The following RRBP1 variants were observed in gnomAD, a reference collection of about 807,000 sequenced individuals.
RRBP1 encodes ribosome binding protein 1.
Under a neutral mutation model 165.2 loss-of-function variants are expected in RRBP1, and 94 were observed. The ratio of observed to expected loss-of-function variants is 0.57; its 90% CI spans 0.48 to 0.68. The LOEUF is 0.68. Ranked by LOEUF, RRBP1 falls within the 30% of genes least tolerant of loss-of-function variation. RRBP1 has a pLI of 0.00. For missense variants in RRBP1, 1,676 were observed against 1,763.0 expected (o/e 0.95, Z 0.88); for synonymous variants, 680 against 714.5 (o/e 0.95, Z 0.77).
At chr20:17,654,272 G>A (rs976170661) in intron 3 of RRBP1, among the ~76,000 whole-genome samples, 1 of 152,206 alleles carries the variant, frequency 6.6e-6, no homozygotes, top group African/African-American at 2.4e-5. Context: ...TGGAACTGGT[G>A]GCAGCAGGTG....
At chr20:17,639,962 A>C (rs1046715798) in intron 5 of RRBP1, among the ~76,000 whole-genome samples, 3 of 151,978 alleles carry the variant, frequency 2.0e-5, no homozygotes, top group Non-Finnish European at 4.4e-5. Flanking sequence ...AACAGAGAGC[A>C]CGAGCACAGG....
intron 18 of RRBP1, 78 bp downstream of exon 18, chr20:17,620,221 G>T (rs995261419): frequency 8.8e-6 from 9 of 1,022,942 alleles, no homozygotes; most frequent in Non-Finnish European, 1.4e-5. Context: ...AGAAATCAGT[G>T]AAGTGTCCTC....
At chr20:17,616,137 GT>G in intron 21 of RRBP1, 128 bp from the exon 22 acceptor site, 2 of 752,948 alleles carry the variant, frequency 2.7e-6, no homozygotes. Context: ...CGCTCCCCTC[GT>G]TGGGGAGAGG....
Position 17,660,174 on chromosome 20 carries a change from C to G in RRBP1, c.334G>C (p.Val112Leu). The change falls in exon 3 of 25, where the codon GTG (valine) becomes CTG (leucine). Residue 112 changes from valine (V) to leucine (L), a missense_variant. Coordinates refer to ENST00000377813, the MANE Select transcript of RRBP1 (RefSeq NM_001365613.2). ...APAVAVAPTP[V>L]QPPIIVAPVA... is the part of the protein sequence containing the mutation. Reference sequence around the variant, plus strand: ...GGAGCAACGATAATGGGGGGCTGCACTGGGGTTGGAGCCACAGCCACAGCA... The same window carrying G: ...GGAGCAACGATAATGGGGGGCTGCAGTGGGGTTGGAGCCACAGCCACAGCA... 6.2e-7 allele frequency: 1 copy of G among 1,614,026 alleles called. No homozygotes were observed. Among genetic ancestry groups the G allele is most frequent in the Non-Finnish European group, 8.5e-7 (1 of 1,179,986 alleles).
intron 21 of RRBP1, 60 bp from the exon 22 acceptor site, chr20:17,616,069 G>A (rs1353631339): frequency 6.9e-6 from 10 of 1,453,970 alleles, no homozygotes; most frequent in Admixed American, 3.6e-5. Context: ...AGGGGCCCAG[G>A]GATCCAGCAC....
At chr20:17,620,479 G>A (rs551749413) in intron 17 of RRBP1, 109 bp from the exon 18 acceptor site, 15 of 1,037,012 alleles carry the variant, frequency 1.4e-5, no homozygotes, top group South Asian at 7.6e-5. Context: ...AGCCCCGGGG[G>A]TGCCCACTCC....
chr20:17,641,331 A>G (rs1030753425), intron 5 of RRBP1: 12 of 169,506 alleles, frequency 7.1e-5, no homozygotes, highest in Admixed American at 3.3e-4. Context: ...CTCCTCTGAC[A>G]TCAGAAAAAG....
intron 2 of RRBP1, 23 bp from the exon 3 acceptor site, chr20:17,660,551 A>G (rs1431615159): frequency 2.1e-6 from 3 of 1,429,742 alleles, no homozygotes; most frequent in African/African-American, 2.9e-5. Context: ...CATGGAGGTT[A>G]CTATTTATAG....
At chr20:17,681,889 C>A (rs1162533142) in intron 1 of RRBP1, 139 bp downstream of exon 1, 1 of 146,930 alleles carries the variant, frequency 6.8e-6, no homozygotes, top group African/African-American at 2.4e-5. Context: ...ACGGCCGCGG[C>A]GGCAGGCGGC....
At chr20:17,664,067 A>C (rs1221310974) in intron 2 of RRBP1, among the ~76,000 whole-genome samples, 1 of 152,238 alleles carries the variant, frequency 6.6e-6, no homozygotes, top group Non-Finnish European at 1.5e-5. Flanking sequence ...AATTTAATTT[A>C]GAAATTAGCC....
chr20:17,633,691 T>G (rs1257098672), intron 7 of RRBP1, 78 bp from the exon 8 acceptor site: 4 of 1,455,094 alleles, frequency 2.7e-6, no homozygotes, highest in South Asian at 1.3e-5. Context: ...CCTCCAGGAC[T>G]CCAGCTCTCT....
intron 4 of RRBP1, among the ~76,000 whole-genome samples, chr20:17,642,654 T>C (rs1363242921): frequency 1.3e-5 from 2 of 152,022 alleles, no homozygotes. Flanking sequence ...CTGGGGAACC[T>C]CACAGGGCCC....
At chr20:17,617,168 A>C (rs1017656705) in intron 20 of RRBP1, among the ~76,000 whole-genome samples, 36 of 151,252 alleles carry the variant, frequency 2.4e-4, no homozygotes, top group African/African-American at 8.0e-4. Context: ...GGTGGCCGCC[A>C]CACTGTCTAC....
intron 4 of RRBP1, among the ~76,000 whole-genome samples, chr20:17,642,237 G>A (rs1031751283): frequency 8.5e-5 from 13 of 152,246 alleles, no homozygotes; most frequent in East Asian, 1.9e-4. Flanking sequence ...GAGCCTACCC[G>A]AGCCGGGCGT....
chr20:17,661,593 T>C (rs570384219), intron 2 of RRBP1, among the ~76,000 whole-genome samples: 1 of 152,292 alleles, frequency 6.6e-6, no homozygotes, highest in Non-Finnish European at 1.5e-5. Flanking sequence ...GGAGGTGTAT[T>C]TATTTGGATA....
chr20:17,674,579 T>C (rs1043408344), intron 2 of RRBP1, among the ~76,000 whole-genome samples: 1 of 151,704 alleles, frequency 6.6e-6, no homozygotes, highest in Non-Finnish European at 1.5e-5. Context: ...CTGGCTAACA[T>C]GGTGAAACCC....
Position 17,643,222 on chromosome 20 carries a change from G to T in RRBP1, c.1913-95C>A. 1 of 1,297,276 alleles carries T rather than the reference G, an allele frequency of 7.7e-7. No homozygotes were observed. The highest frequency in any genetic ancestry group is 1.1e-6 in the Non-Finnish European group (1 of 941,464). 80.4% of individuals were successfully genotyped at this position (1,297,276 alleles called of 1,614,324 possible). On this transcript the variant is annotated intron_variant, in intron 3 of 24. Transcript: ENST00000377813. The surrounding 1 kb of genome is among the most constrained non-coding windows in gnomAD (Gnocchi z 4.3). ...TCACACCAAGAAGGTTCTGGTCACAGCCACGAAGAGCTCTCTGACTGCTTG... is the reference window on the plus strand; with the variant it reads ...TCACACCAAGAAGGTTCTGGTCACATCCACGAAGAGCTCTCTGACTGCTTG...
chr20:17,627,275 C>G (rs1030139619), intron 11 of RRBP1, 73 bp downstream of exon 11: 27 of 1,528,504 alleles, frequency 1.8e-5, no homozygotes, highest in Non-Finnish European at 2.2e-5. Context: ...TCCTGAAAAC[C>G]CTGGCCCCCC....
At chr20:17,672,630 GAGCA>G (rs2036998640) in intron 2 of RRBP1, among the ~76,000 whole-genome samples, 2 of 152,250 alleles carry the variant, frequency 1.3e-5, no homozygotes, top group South Asian at 4.2e-4. Flanking sequence ...TTTTAAAGCC[GAGCA>G]CCTACCTCCT....
Sources: allele counts gnomAD v4.1 joint callset (sites outside exome capture counted in the v4.1 genomes callset), GRCh38; gene constraint gnomAD v4.1.1; non-coding constraint Gnocchi (gnomAD v3.1); transcripts MANE v1.5; gene names NCBI Gene and HGNC (gene_info 2026-07-23, HGNC 2026-07-21).